The following LAMA3 variants were observed in gnomAD, a reference collection of about 807,000 sequenced individuals.
The protein encoded by LAMA3 is laminin subunit alpha 3, also known as laminin subunit alpha-3.
Under a neutral mutation model 402.0 loss-of-function variants are expected in LAMA3, and 281 were observed. That is an observed-to-expected ratio of 0.70 (90% CI 0.63 to 0.77). LAMA3 has a LOEUF of 0.77. Ranked by LOEUF, LAMA3 falls within the 30% of genes least tolerant of loss-of-function variation. LAMA3 has a pLI of 0.00. For synonymous variants in LAMA3, 1,431 were observed against 1,558.4 expected, an observed-to-expected ratio of 0.92 and a Z score of 1.93; for missense variants, 3,840 against 4,215.5, an observed-to-expected ratio of 0.91 and a Z score of 2.47.
At chr18:23,928,271 G>A (rs778137765) in intron 63 of LAMA3, 31 bp downstream of exon 63, 1 of 1,381,138 alleles carries the variant, frequency 7.2e-7, no homozygotes, top group Non-Finnish European at 1.0e-6. Flanking sequence ...TCGTGAAGGA[G>A]TGCTTCCCAG....
At chr18:23,713,225 C>T (rs910394056) in intron 1 of LAMA3, among the ~76,000 whole-genome samples, 4 of 152,154 alleles carry the variant, frequency 2.6e-5, no homozygotes, top group East Asian at 1.9e-4. Context: ...ACCTGGCAAG[C>T]CTTGTCTCTC....
chr18:23,729,727 C>T (rs1487306904), intron 2 of LAMA3, among the ~76,000 whole-genome samples: 1 of 152,242 alleles, frequency 6.6e-6, no homozygotes, highest in Admixed American at 6.5e-5. Flanking sequence ...TCACTGCAAG[C>T]TTATGAGGTG....
At chr18:23,690,009 C>T in intron 1 of LAMA3, 32 bp downstream of exon 1, 1 of 1,381,160 alleles carries the variant, frequency 7.2e-7, no homozygotes, top group Non-Finnish European at 9.4e-7. Flanking sequence ...GGGGTGGGCG[C>T]GCCTTTTCCT....
intron 40 of LAMA3, among the ~76,000 whole-genome samples, chr18:23,883,773 T>C (rs2064979033): frequency 6.6e-6 from 1 of 152,114 alleles, no homozygotes; most frequent in Non-Finnish European, 1.5e-5. Flanking sequence ...TTGGAAAAAG[T>C]TTTTCATTTT....
At chr18:23,943,377 A>C (rs1276059930) in intron 68 of LAMA3, among the ~76,000 whole-genome samples, 1 of 152,252 alleles carries the variant, frequency 6.6e-6, no homozygotes, top group Non-Finnish European at 1.5e-5. Flanking sequence ...TTGTACAACA[A>C]TCTGAATGTA....
intron 66 of LAMA3, 194 bp downstream of exon 66, chr18:23,932,485 T>A: frequency 1.8e-6 from 1 of 564,460 alleles, no homozygotes; most frequent in Non-Finnish European, 3.1e-6. Flanking sequence ...GGGCCCGGCC[T>A]CCTTTTGGAG....
At chr18:23,886,162 T>A (rs1436256325) in intron 41 of LAMA3, among the ~76,000 whole-genome samples, 1 of 152,226 alleles carries the variant, frequency 6.6e-6, no homozygotes, top group Non-Finnish European at 1.5e-5. Flanking sequence ...AATATTTGTG[T>A]ATGCATATCC....
intron 62 of LAMA3, among the ~76,000 whole-genome samples, chr18:23,923,526 T>C (rs1175024179): frequency 6.6e-6 from 1 of 152,196 alleles, no homozygotes; most frequent in Admixed American, 6.5e-5. Context: ...GGCTAAGCCC[T>C]TGGCAGATGG....
chr18:23,863,783 T>A (rs939719538), intron 35 of LAMA3, among the ~76,000 whole-genome samples: 1 of 152,232 alleles, frequency 6.6e-6, no homozygotes, highest in Admixed American at 6.5e-5. Flanking sequence ...CCTGTGATTT[T>A]CATCCTTCTG....
chr18:23,859,900 C>T (rs1370925778), intron 34 of LAMA3, among the ~76,000 whole-genome samples: 2 of 152,322 alleles, frequency 1.3e-5, no homozygotes, highest in East Asian at 1.9e-4. Flanking sequence ...TTCCTGGCTA[C>T]AAGCCCCCAT....
intron 12 of LAMA3, among the ~76,000 whole-genome samples, chr18:23,792,620 G>A (rs1598803561): frequency 6.6e-6 from 1 of 152,164 alleles, no homozygotes; most frequent in South Asian, 2.1e-4. Context: ...ATAGCATATG[G>A]GAAGCCTCGG....
rs754270863 is a variant in LAMA3 at position 23,939,425 on chromosome 18, C to T, written c.9026+39C>T. Reference sequence around the variant, plus strand: ...TTCCTGCCCCAGCACCAGCTCAGAACCTGACTCTGCGATTCCACCTCAGGG... The same window carrying T: ...TTCCTGCCCCAGCACCAGCTCAGAATCTGACTCTGCGATTCCACCTCAGGG... On this transcript the variant is annotated intron_variant, in intron 68 of 74. Transcript: ENST00000313654. 2.2e-5 allele frequency: 35 copies of T among 1,603,218 alleles called. No homozygotes were observed. In the East Asian group the frequency reaches 7.8e-4, roughly 36 times the overall value.
chr18:23,923,327 G>A (rs535182041), intron 62 of LAMA3, among the ~76,000 whole-genome samples: 9 of 152,368 alleles, frequency 5.9e-5, no homozygotes, highest in African/African-American at 1.9e-4. Flanking sequence ...GAGGCAGGTA[G>A]AGTGGCTGGA....
At chr18:23,798,993 A>G (rs1568196082) in intron 12 of LAMA3, among the ~76,000 whole-genome samples, 1 of 152,246 alleles carries the variant, frequency 6.6e-6, no homozygotes, top group Non-Finnish European at 1.5e-5. Flanking sequence ...ACAATGAAGT[A>G]ACACGTATCA....
At chr18:23,901,374 GC>G in intron 48 of LAMA3, 51 bp downstream of exon 48, 15 of 1,488,954 alleles carry the variant, frequency 1.0e-5, no homozygotes, top group Non-Finnish European at 1.4e-5. Flanking sequence ...GATGAGAGAA[GC>G]AGGGATCTTT....
intron 12 of LAMA3, among the ~76,000 whole-genome samples, chr18:23,803,049 G>A (rs1348744986): frequency 2.6e-5 from 4 of 152,152 alleles, no homozygotes; most frequent in Admixed American, 2.0e-4. Flanking sequence ...GTTGTGAAGC[G>A]AGTTCTTTGA....
chr18:23,793,585 A>G (rs983190329), intron 12 of LAMA3, among the ~76,000 whole-genome samples: 3 of 151,890 alleles, frequency 2.0e-5, no homozygotes, highest in South Asian at 2.1e-4. Flanking sequence ...TGAGATTAGC[A>G]TAGGGCTGGT....
chr18:23,896,166 A>C (rs915889435), intron 44 of LAMA3, among the ~76,000 whole-genome samples: 3 of 151,828 alleles, frequency 2.0e-5, no homozygotes, highest in Non-Finnish European at 4.4e-5. Flanking sequence ...TGAAACTCCA[A>C]CTCTACTAAA....
At chr18:23,729,112 TTGTGTGTGTATG>T (rs1459131663) in intron 2 of LAMA3, among the ~76,000 whole-genome samples, 4 of 99,354 alleles carry the variant, frequency 4.0e-5, no homozygotes, top group African/African-American at 1.9e-4. Flanking sequence ...ATATGATGTA[TTGTGTGTGTATG>T]TGTGTGTGTG....
Sources: allele counts gnomAD v4.1 joint callset (sites outside exome capture counted in the v4.1 genomes callset), GRCh38; gene constraint gnomAD v4.1.1; transcripts MANE v1.5; gene names NCBI Gene and HGNC (gene_info 2026-07-23, HGNC 2026-07-21).